Variants in TMOD1 observed in about 807,000 individuals in gnomAD.
TMOD1 encodes the protein tropomodulin 1.
A neutral mutation model predicts 40.6 loss-of-function variants in TMOD1; 17 were observed. That is an observed-to-expected ratio of 0.42 (90% CI 0.29 to 0.63). TMOD1 has a LOEUF of 0.63. Among genes scored for constraint, TMOD1 ranks in the 20% least tolerant of loss-of-function variants. TMOD1 has a pLI of 0.22. For synonymous variants in TMOD1, 181 were observed against 175.0 expected (o/e 1.03, Z -0.27); for missense variants, 391 against 447.6 (o/e 0.87, Z 1.14).
At chr9:97,501,946 A>G (rs1274901748) in intron 1 of TMOD1, 143 bp downstream of exon 1, 3 of 151,928 alleles carry the variant, frequency 2.0e-5, no homozygotes, top group Non-Finnish European at 4.4e-5. Context: ...CTCTATAAAT[A>G]GCTGCCGCCT....
intron 1 of TMOD1, chr9:97,516,902 T>A (rs912682254): frequency 3.0e-4 from 45 of 152,094 alleles, no homozygotes; most frequent in African/African-American, 9.9e-4. Flanking sequence ...TGGAGAGGGA[T>A]AGTAGTGACG....
intron 4 of TMOD1, among the ~76,000 whole-genome samples, chr9:97,561,711 C>T (rs543074641): frequency 1.3e-5 from 2 of 152,308 alleles, no homozygotes; most frequent in Non-Finnish European, 2.9e-5. Context: ...TCCTACTCTC[C>T]ACCTCCCAAC....
At chr9:97,559,980 G>A (rs10982731) in intron 4 of TMOD1, among the ~76,000 whole-genome samples, 1 of 151,234 alleles carries the variant, frequency 6.6e-6, no homozygotes, top group East Asian at 1.9e-4. Flanking sequence ...TCATTGGAAA[G>A]AGAGGTTGAA....
chr9:97,564,494 A>G (rs1830695783), intron 6 of TMOD1, among the ~76,000 whole-genome samples: 1 of 152,332 alleles, frequency 6.6e-6, no homozygotes, highest in Non-Finnish European at 1.5e-5. Flanking sequence ...AGATAAAATC[A>G]TGAGTCAGAC....
At chr9:97,559,247 C>T (rs1027352290) in intron 4 of TMOD1, among the ~76,000 whole-genome samples, 6 of 152,148 alleles carry the variant, frequency 3.9e-5, no homozygotes, top group African/African-American at 1.4e-4. Flanking sequence ...TGACTCAGGC[C>T]TCAGCTTCTG....
Position 97,600,731 on chromosome 9 carries a change from A to G in TMOD1, c.*1033A>G, listed in dbSNP as rs1265351591. 12 of 1,007,568 alleles carry G rather than the reference A, an allele frequency of 1.2e-5. No individual in the cohort carries two copies. Among genetic ancestry groups the G allele is most frequent in the Non-Finnish European group, 1.3e-5 (11 of 843,374 alleles). The allele number at this position is 1,007,568 out of a possible 1,614,324, so 62.4% of individuals were successfully genotyped here. A position where few individuals can be genotyped will look rare whatever the true frequency, so the allele number is the denominator to read the frequency against. On this transcript the variant is annotated 3_prime_UTR_variant, in exon 10 of 10. Coordinates refer to ENST00000259365, the MANE Select transcript of TMOD1 (RefSeq NM_003275.4). Reference sequence around the variant, plus strand: ...CCGGACAATGGTGAAGAAACTCCAGATATCAAGGAATTGGGAAATCCTGGC... The same window carrying G: ...CCGGACAATGGTGAAGAAACTCCAGGTATCAAGGAATTGGGAAATCCTGGC...
chr9:97,556,002 GT>G (rs1437413238), intron 4 of TMOD1, among the ~76,000 whole-genome samples: 4 of 152,078 alleles, frequency 2.6e-5, no homozygotes, highest in African/African-American at 7.2e-5. Context: ...CGGGGAGGGG[GT>G]CACATTAGAA....
At chr9:97,561,372 G>A (rs943541819) in intron 4 of TMOD1, among the ~76,000 whole-genome samples, 3 of 152,184 alleles carry the variant, frequency 2.0e-5, no homozygotes, top group African/African-American at 7.2e-5. Context: ...GTCAGGCAAT[G>A]GTTCTCAACC....
intron 3 of TMOD1, among the ~76,000 whole-genome samples, chr9:97,548,429 C>T (rs7855669): frequency 0.28 from 43,207 of 151,808 alleles, 6,385 homozygotes; most frequent in African/African-American, 0.29. Flanking sequence ...TTGAAAGGAT[C>T]GCGTGGTCAG....
intron 1 of TMOD1, among the ~76,000 whole-genome samples, chr9:97,508,641 T>C (rs1829641689): frequency 6.6e-6 from 1 of 151,954 alleles, no homozygotes; most frequent in Non-Finnish European, 1.5e-5. Flanking sequence ...CAGCATGGAG[T>C]ACTGGTAATG....
rs993359514 is a variant in TMOD1 at position 97,538,862 on chromosome 9, G to A, written c.121-7323G>A. On this transcript the variant is annotated intron_variant, in intron 2 of 9. Transcript: ENST00000259365. ...ATACAAAAAAAAAAAAAAATTAGCC[G>A]GGCATGGTGGCATGCACCTGTAATC... is the stretch of plus-strand genomic sequence containing the variant. Among the ~76,000 whole-genome samples the A allele has an allele frequency of 3.3e-5, 5 of 151,490 alleles. No individual in the cohort carries two copies. The South Asian group carries it at 6.2e-4, about 19-fold the overall frequency.
chr9:97,575,973 C>T (rs371870853), intron 8 of TMOD1, among the ~76,000 whole-genome samples: 15 of 152,266 alleles, frequency 9.9e-5, no homozygotes, highest in African/African-American at 3.4e-4. Context: ...TTTTGATTTC[C>T]GTAGGAAGCC....
At chr9:97,556,145 T>C (rs965198977) in intron 4 of TMOD1, among the ~76,000 whole-genome samples, 5 of 151,826 alleles carry the variant, frequency 3.3e-5, no homozygotes, top group Admixed American at 6.6e-5. Context: ...AGGCAGGCCT[T>C]CGATGAGGCC....
In TMOD1 at chr9:97,576,828, AC is replaced by A. The variant is rs1439097727; in HGVS notation, c.870+7793del. Among the ~76,000 whole-genome samples the A allele has an allele frequency of 2.6e-5, 4 of 151,296 alleles. No individual in the cohort carries two copies. The South Asian group carries it at 8.4e-4, about 32-fold the overall frequency. On this transcript the variant is annotated intron_variant, in intron 8 of 9. Coordinates refer to ENST00000259365, the MANE Select transcript of TMOD1 (RefSeq NM_003275.4). ...TTTTTTTTTGTATTTTTTAGTAGAG[AC>A]CGGGTTTCACCATGTTAGCCAGGAT... is the stretch of plus-strand genomic sequence containing the variant.
chr9:97,562,482 G>T (rs77682387), intron 4 of TMOD1, among the ~76,000 whole-genome samples: 6 of 152,192 alleles, frequency 3.9e-5, no homozygotes, highest in Non-Finnish European at 8.8e-5. Flanking sequence ...GTTTGGCCAC[G>T]TTGAGCTGGA....
intron 1 of TMOD1, among the ~76,000 whole-genome samples, chr9:97,508,058 C>T (rs1390367740): frequency 2.0e-4 from 2 of 9,948 alleles, no homozygotes; most frequent in African/African-American, 1.5e-3. Flanking sequence ...CTTCCTGATT[C>T]ACACACACAC....
In TMOD1 at chr9:97,532,464, C is replaced by T. The variant is rs113521686; in HGVS notation, c.120+8156C>T. Among the ~76,000 whole-genome samples, 28 of 152,316 alleles carry T rather than the reference C, an allele frequency of 1.8e-4. 1 individual carries two copies. Among genetic ancestry groups the T allele is most frequent in the African/African-American group, 6.5e-4 (27 of 41,558 alleles). On this transcript the variant is annotated intron_variant, in intron 2 of 9. Coordinates refer to ENST00000259365, the MANE Select transcript of TMOD1 (RefSeq NM_003275.4). ...TCACACCCCTAGCACAGCACCTGCT[C>T]CACCCTGGCAACACTGAGCTGTTTC... is the stretch of plus-strand genomic sequence containing the variant.
At position 97,524,122 on chromosome 9, in the gene TMOD1, G is replaced by T; in HGVS notation, c.-48-19G>T. 3 of 1,556,532 alleles carry T rather than the reference G, an allele frequency of 1.9e-6. No homozygotes were observed. Among genetic ancestry groups the T allele is most frequent in the Non-Finnish European group, 8.7e-7 (1 of 1,153,218 alleles). ...CAAATCTGAGACGGGTCTTTCTAAG[G>T]TTCTTGTCTTTCTGGTAGGTATTAC... On this transcript the variant is annotated intron_variant, in intron 1 of 9. Transcript: ENST00000259365.
chr9:97,597,727 T>A (rs1826145065), intron 9 of TMOD1, among the ~76,000 whole-genome samples: 1 of 130,736 alleles, frequency 7.6e-6, no homozygotes, highest in Admixed American at 7.9e-5. Flanking sequence ...GGCAAGCCAG[T>A]GCCAGGGGAA....
Sources: gnomAD v4.1 joint callset for allele counts (sites outside exome capture counted in the v4.1 genomes callset) on GRCh38, gnomAD v4.1.1 for gene constraint, MANE v1.5 for transcripts, NCBI Gene and HGNC (gene_info 2026-07-23, HGNC 2026-07-21) for gene names.